The following COL4A2 variants were observed in gnomAD, a reference collection of about 807,000 sequenced individuals.
The protein encoded by COL4A2 is collagen alpha-2(IV) chain.
Under a neutral mutation model 200.2 loss-of-function variants are expected in COL4A2, and 99 were observed. The ratio of observed to expected loss-of-function variants is 0.49; its 90% CI spans 0.42 to 0.58. The LOEUF (loss-of-function observed/expected upper bound fraction) is 0.58, where lower values mean the gene tolerates loss of function less well. Ranked by LOEUF, COL4A2 falls within the 20% of genes least tolerant of loss-of-function variation. The probability of loss-of-function intolerance (pLI) is 0.00; values close to 1 mark genes in which losing one functional copy is unlikely to be tolerated. For missense variants in COL4A2, 1,950 were observed against 2,314.1 expected, an observed-to-expected ratio of 0.84 and a Z score of 3.23; for synonymous variants, 897 against 900.6, an observed-to-expected ratio of 1.00 and a Z score of 0.07.
chr13:110,369,722 A>G (rs1877920064), intron 4 of COL4A2, among the ~76,000 whole-genome samples: 1 of 152,106 alleles, frequency 6.6e-6, no homozygotes, highest in Non-Finnish European at 1.5e-5. Flanking sequence ...GCCTCAGCTT[A>G]CAAATACGCA....
chr13:110,435,037 C>T (rs1880821038), intron 12 of COL4A2, among the ~76,000 whole-genome samples: 1 of 152,228 alleles, frequency 6.6e-6, no homozygotes. Context: ...AAGCCATGAG[C>T]CCACTGTAAA....
At chr13:110,444,526 C>T (rs998656529) in intron 16 of COL4A2, among the ~76,000 whole-genome samples, 2 of 152,178 alleles carry the variant, frequency 1.3e-5, no homozygotes, top group Non-Finnish European at 2.9e-5. Context: ...AGAGAAAGTC[C>T]GGGTCCAAAC....
At chr13:110,377,997 G>A (rs1878314057) in intron 4 of COL4A2, among the ~76,000 whole-genome samples, 1 of 152,180 alleles carries the variant, frequency 6.6e-6, no homozygotes, top group Admixed American at 6.5e-5. Context: ...GGGCTTGTGG[G>A]AATTCAACAG....
chr13:110,474,617 TAC>T (rs768335761), intron 29 of COL4A2, among the ~76,000 whole-genome samples: 2 of 151,528 alleles, frequency 1.3e-5, no homozygotes, highest in African/African-American at 4.9e-5. Flanking sequence ...CATGATCACA[TAC>T]ACACATGCAG....
chr13:110,359,753 C>G (rs574612845), intron 4 of COL4A2, among the ~76,000 whole-genome samples: 1 of 152,190 alleles, frequency 6.6e-6, no homozygotes, highest in African/African-American at 2.4e-5. Flanking sequence ...TGATAGGGAA[C>G]CTCTTTATAA....
chr13:110,314,416 C>G (rs1167457981), intron 3 of COL4A2, among the ~76,000 whole-genome samples: 1 of 152,210 alleles, frequency 6.6e-6, no homozygotes, highest in African/African-American at 2.4e-5. Context: ...ATTCTTTTCT[C>G]TCATAGAGTA....
chr13:110,485,967 G>T, intron 34 of COL4A2, 131 bp downstream of exon 34: 2 of 1,422,752 alleles, frequency 1.4e-6, no homozygotes, highest in Non-Finnish European at 1.9e-6. Flanking sequence ...CTCAGGCTTG[G>T]TGGGGTCCAC....
At chr13:110,322,198 G>T (rs565188966) in intron 3 of COL4A2, among the ~76,000 whole-genome samples, 1 of 152,200 alleles carries the variant, frequency 6.6e-6, no homozygotes, top group Non-Finnish European at 1.5e-5. Flanking sequence ...AGGAGCAGGG[G>T]GCAAGGAAGC....
chr13:110,457,944 C>T (rs1297276926), intron 21 of COL4A2: 3 of 392,334 alleles, frequency 7.6e-6, no homozygotes, highest in South Asian at 1.9e-5. Context: ...GTGGTCTTTG[C>T]ACCTGACCCT....
At chr13:110,431,861 A>G (rs1357311182) in intron 10 of COL4A2, among the ~76,000 whole-genome samples, 2 of 152,200 alleles carry the variant, frequency 1.3e-5, no homozygotes, top group African/African-American at 4.8e-5. Context: ...AGAAAGACAC[A>G]CCATGATACT....
intron 31 of COL4A2, among the ~76,000 whole-genome samples, 194 bp downstream of exon 31, chr13:110,480,584 C>G (rs1006611049): frequency 5.9e-5 from 9 of 152,168 alleles, no homozygotes; most frequent in Admixed American, 5.9e-4. Flanking sequence ...TGCTTAGACG[C>G]GGGTGGGACC....
intron 20 of COL4A2, among the ~76,000 whole-genome samples, chr13:110,456,095 G>A (rs901877315): frequency 6.6e-6 from 1 of 152,196 alleles, no homozygotes. Flanking sequence ...GCGATGGCGC[G>A]CTCTTTGCTG....
In COL4A2 at chr13:110,413,847, AG is replaced by A. The variant is rs1879943078; in HGVS notation, c.181-10884del. Among the ~76,000 whole-genome samples the A allele has an allele frequency of 2.6e-5, 4 of 152,198 alleles. No homozygotes were observed. In the South Asian group the frequency reaches 8.3e-4, roughly 31 times the overall value. On this transcript the variant is annotated intron_variant, in intron 4 of 47. Transcript: ENST00000360467. ...GGGACCCTCAGCATGTGGGACCCTC[AG>A]GGCTTGGGGAACGGTATTGCTGCAT...
At chr13:110,433,000 G>A (rs1334245346) in intron 11 of COL4A2, among the ~76,000 whole-genome samples, 5 of 152,266 alleles carry the variant, frequency 3.3e-5, no homozygotes, top group African/African-American at 1.2e-4. Flanking sequence ...GACAAGGGAA[G>A]TATTTGATCA....
At chr13:110,426,448 A>C (rs1880473517) in intron 6 of COL4A2, among the ~76,000 whole-genome samples, 1 of 152,250 alleles carries the variant, frequency 6.6e-6, no homozygotes, top group African/African-American at 2.4e-5. Context: ...TCTTAACCGC[A>C]GAACTCTGAT....
At position 110,386,309 on chromosome 13, in the gene COL4A2, G is replaced by A. The variant is rs148573210; in HGVS notation, c.180+28757G>A. Reference sequence around the variant, plus strand: ...GTGTAAAAAATCCTCCAAGGTTTTCGGACACATGCTCAAGTTACAGAACAA... The same window carrying A: ...GTGTAAAAAATCCTCCAAGGTTTTCAGACACATGCTCAAGTTACAGAACAA... On this transcript the variant is annotated intron_variant, in intron 4 of 47. Coordinates refer to ENST00000360467, the MANE Select transcript of COL4A2 (RefSeq NM_001846.4). Among the ~76,000 whole-genome samples the A allele has an allele frequency of 2.6e-5, 4 of 152,264 alleles. No homozygotes were observed. The East Asian group carries it at 5.8e-4, about 22-fold the overall frequency.
intron 3 of COL4A2, among the ~76,000 whole-genome samples, chr13:110,325,994 C>T (rs543933085): frequency 1.3e-5 from 2 of 152,250 alleles, no homozygotes; most frequent in Admixed American, 6.5e-5. Flanking sequence ...CCACGTTGGC[C>T]AGGCTGGTCT....
At chr13:110,357,351 T>C (rs1877321606) in intron 3 of COL4A2, 121 bp from the exon 4 acceptor site, 1 of 1,400,224 alleles carries the variant, frequency 7.1e-7, no homozygotes. Flanking sequence ...AAAGCCTTAT[T>C]GAATGTTTTG....
chr13:110,500,701 A>G (rs1190549457), intron 40 of COL4A2, among the ~76,000 whole-genome samples: 1 of 152,232 alleles, frequency 6.6e-6, no homozygotes, highest in African/African-American at 2.4e-5. Context: ...AGTTCCTGCA[A>G]GCCTCTGCTC....
Sources: allele counts gnomAD v4.1 joint callset (sites outside exome capture counted in the v4.1 genomes callset), GRCh38; gene constraint gnomAD v4.1.1; transcripts MANE v1.5; gene names NCBI Gene and HGNC (gene_info 2026-07-23, HGNC 2026-07-21).